MIB1: variants seen among roughly 807,000 people sequenced by gnomAD.
MIB1 encodes MIB E3 ubiquitin protein ligase 1.
A neutral mutation model predicts 124.5 loss-of-function variants in MIB1; 278 were observed. That is an observed-to-expected ratio of 2.23 (90% CI 2.02 to 2.47). The LOEUF (loss-of-function observed/expected upper bound fraction) is 2.47. Ranked by LOEUF, MIB1 falls within the 30% of genes most tolerant of loss-of-function variation. The pLI is 0.00. For missense variants in MIB1, 957 were observed against 1,254.4 expected (o/e 0.76, Z 3.58); for synonymous variants, 446 against 429.4 (o/e 1.04, Z -0.48).
chr18:21,811,798 TGGTGGTGATGG>T (rs1171406656), intron 10 of MIB1, among the ~76,000 whole-genome samples: 2 of 152,050 alleles, frequency 1.3e-5, no homozygotes, highest in Non-Finnish European at 2.9e-5. Flanking sequence ...TAGAGATGGA[TGGTGGTGATGG>T]TTGCACAGTG....
At chr18:21,786,061 A>T (rs2041431373) in intron 6 of MIB1, among the ~76,000 whole-genome samples, 1 of 148,744 alleles carries the variant, frequency 6.7e-6, no homozygotes, top group Non-Finnish European at 1.5e-5. Flanking sequence ...GACCTTTGAG[A>T]GTTTGATTAG....
chr18:21,714,571 A>G (rs957425631), intron 1 of MIB1, among the ~76,000 whole-genome samples: 1 of 151,840 alleles, frequency 6.6e-6, no homozygotes, highest in African/African-American at 2.4e-5. Flanking sequence ...GTGCACTACA[A>G]CTCTCTTGCA....
intron 12 of MIB1, among the ~76,000 whole-genome samples, chr18:21,822,273 G>A (rs532194258): frequency 4.9e-4 from 74 of 152,282 alleles, no homozygotes; most frequent in Middle Eastern, 6.8e-3. Context: ...TAGGAAACAA[G>A]TATCTTTTAA....
chr18:21,742,832 T>C (rs1458445136), intron 1 of MIB1, among the ~76,000 whole-genome samples: 1 of 152,228 alleles, frequency 6.6e-6, no homozygotes, highest in Non-Finnish European at 1.5e-5. Context: ...AATCTTGGAA[T>C]GGGCTCACAG....
chr18:21,753,316 G>A lies in MIB1; in HGVS notation c.229+11504G>A, dbSNP rs1384756002. On this transcript the variant is annotated intron_variant, in intron 1 of 20. Coordinates refer to ENST00000261537, the MANE Select transcript of MIB1 (RefSeq NM_020774.4). The stretch of plus-strand genomic sequence containing the variant: ...CGATTCTCCTGCCGCAGCCTCCTAA[G>A]TAGCTGGGATTACAGGTGCCTGCCA... Among the ~76,000 whole-genome samples, 5 of 151,872 alleles carry A rather than the reference G, an allele frequency of 3.3e-5. No individual in the cohort carries two copies. The South Asian group carries it at 6.2e-4, about 19-fold the overall frequency.
chr18:21,827,002 T>A (rs1598630101), intron 12 of MIB1: 1 of 152,130 alleles, frequency 6.6e-6, no homozygotes, highest in South Asian at 2.1e-4. Flanking sequence ...TTACTAGTTA[T>A]ATGGGAGCTG....
chr18:21,831,096 T>TA (rs2041975601), intron 12 of MIB1: 5 of 68,606 alleles, frequency 7.3e-5, no homozygotes, highest in African/African-American at 2.7e-4. Context: ...TTTTATAGTC[T>TA]AAAAAAGACA....
intron 10 of MIB1, among the ~76,000 whole-genome samples, chr18:21,815,047 ATATATAT>A (rs1568212968): frequency 2.3e-4 from 30 of 129,416 alleles, no homozygotes; most frequent in African/African-American, 9.1e-4. Context: ...ATATATATAT[ATATATAT>A]ATAAAATTAT....
intron 20 of MIB1, among the ~76,000 whole-genome samples, chr18:21,864,251 C>T (rs1278909252): frequency 6.6e-6 from 1 of 152,120 alleles, no homozygotes; most frequent in Non-Finnish European, 1.5e-5. Context: ...GCTGGGATTA[C>T]AGGTGTGAGC....
At chr18:21,864,479 C>T (rs1443362168) in intron 20 of MIB1, 47 bp from the exon 21 acceptor site, 2 of 1,447,962 alleles carry the variant, frequency 1.4e-6, no homozygotes, top group Non-Finnish European at 1.9e-6. Context: ...CTGTCACTTT[C>T]CAAATATAAA....
At chr18:21,765,974 G>C in intron 2 of MIB1, 31 bp downstream of exon 2, 4 of 1,607,916 alleles carry the variant, frequency 2.5e-6, no homozygotes, top group South Asian at 1.1e-5. Context: ...CTTCAACCGA[G>C]GGTTTTTGTT....
chr18:21,762,901 A>G (rs866570829), intron 1 of MIB1, among the ~76,000 whole-genome samples: 2 of 152,144 alleles, frequency 1.3e-5, no homozygotes, highest in Admixed American at 6.6e-5. Context: ...AAGTATTGCA[A>G]AATTTGTCTG....
At chr18:21,855,396 A>G (rs2042217529) in intron 18 of MIB1, among the ~76,000 whole-genome samples, 1 of 152,244 alleles carries the variant, frequency 6.6e-6, no homozygotes, top group South Asian at 2.1e-4. Flanking sequence ...AACAACACAA[A>G]TAGAGAAGAT....
intron 18 of MIB1, 117 bp from the exon 19 acceptor site, chr18:21,857,013 A>C (rs752985058): frequency 8.5e-6 from 6 of 705,836 alleles, no homozygotes; most frequent in Non-Finnish European, 1.5e-5. Flanking sequence ...GCATATTGCT[A>C]TAACTTGTAT....
intron 1 of MIB1, among the ~76,000 whole-genome samples, chr18:21,718,581 CTGCCCAGTT>C (rs1476583476): frequency 6.6e-6 from 1 of 152,198 alleles, no homozygotes; most frequent in African/African-American, 2.4e-5. Context: ...CAAGCAAGAA[CTGCCCAGTT>C]GAGCCCAGCC....
At chr18:21,846,411 CTA>C (rs2042134775) in intron 15 of MIB1, among the ~76,000 whole-genome samples, 1 of 152,122 alleles carries the variant, frequency 6.6e-6, no homozygotes, top group Non-Finnish European at 1.5e-5. Flanking sequence ...GTTATTGTGA[CTA>C]TTTTCACATA....
At chr18:21,840,851 A>T (rs2042082156) in intron 13 of MIB1, among the ~76,000 whole-genome samples, 1 of 151,726 alleles carries the variant, frequency 6.6e-6, no homozygotes, top group African/African-American at 2.4e-5. Context: ...CAAAAAACAA[A>T]CACAAAAAAT....
chr18:21,844,607 T>G (rs781565471), intron 15 of MIB1, among the ~76,000 whole-genome samples: 5 of 152,136 alleles, frequency 3.3e-5, no homozygotes, highest in Non-Finnish European at 5.9e-5. Context: ...TTTTGTATTT[T>G]TAGTAGAGAC....
At chr18:21,854,011 TTAAAAAAAAAAAAA>T in intron 18 of MIB1, among the ~76,000 whole-genome samples, 1 of 42,346 alleles carries the variant, frequency 2.4e-5, no homozygotes, top group East Asian at 8.3e-4. Flanking sequence ...AGACTCAGTC[TTAAAAAAAAAAAAA>T]AAAAAAAAAA....
Sources: allele counts gnomAD v4.1 joint callset (sites outside exome capture counted in the v4.1 genomes callset), GRCh38; gene constraint gnomAD v4.1.1; transcripts MANE v1.5; gene names NCBI Gene and HGNC (gene_info 2026-07-23, HGNC 2026-07-21).